STRN: variants seen among roughly 807,000 people sequenced by gnomAD.
STRN encodes protein phosphatase 2 regulatory subunit B'''alpha.
STRN carries 53 observed loss-of-function variants against 96.3 expected under a neutral mutation model. The observed-to-expected ratio is 0.55, with a 90% CI of 0.44 to 0.69. STRN has a LOEUF of 0.69. Among genes scored for constraint, STRN ranks in the 30% least tolerant of loss-of-function variants. The probability of loss-of-function intolerance (pLI) is 0.00; values close to 1 mark genes in which losing one functional copy is unlikely to be tolerated. For synonymous variants in STRN, 428 were observed against 355.9 expected (o/e 1.20, Z -2.28); for missense variants, 987 against 963.9 (o/e 1.02, Z -0.32).
At position 36,855,286 on chromosome 2, in the gene STRN, C is replaced by T. The variant is rs537486642; in HGVS notation, c.1904G>A (p.Ser635Asn). 6.2e-7 allele frequency: 1 copy of T among 1,613,904 alleles called. No individual in the cohort carries two copies. Among genetic ancestry groups the T allele is most frequent in the African/African-American group, 1.3e-5 (1 of 75,026 alleles). ...GTTAAAAATGCTTGTATATCCCTTG[C>T]TGAATGATGCTACCATATGGCTCGG... ...SDPSHMVASF[S>N]KGYTSIFNME... Residue 635 changes from serine to asparagine, a missense_variant, in exon 15 of 18, where the codon AGC (serine) becomes AAC (asparagine). Coordinates refer to ENST00000263918, the MANE Select transcript of STRN (RefSeq NM_003162.4).
At chr2:36,856,300 A>C (rs1489592584) in intron 14 of STRN, among the ~76,000 whole-genome samples, 1 of 152,216 alleles carries the variant, frequency 6.6e-6, no homozygotes, top group South Asian at 2.1e-4. Context: ...TCCACCTGAA[A>C]GCCCAGCAAT....
rs1158709835 is a variant in STRN at position 36,957,742 on chromosome 2, G to GT, written c.234+8487dup. Among the ~76,000 whole-genome samples the GT allele has an allele frequency of 6.9e-3, 711 of 103,084 alleles. 78 individuals carry two copies. Among genetic ancestry groups the GT allele is most frequent in the African/African-American group, 0.022 (627 of 28,160 alleles). The allele number at this position is 103,084 out of a possible 152,430, so 67.6% of individuals were successfully genotyped here. A position where few individuals can be genotyped will look rare whatever the true frequency, so the allele number is the denominator to read the frequency against. ...GATTAGTCTCATAGTTCTTCTTTTTGTCTTTTTTTTTTTTTTTTTTTTTTT... is the reference window on the plus strand; with the variant it reads ...GATTAGTCTCATAGTTCTTCTTTTTGTTCTTTTTTTTTTTTTTTTTTTTTTT... On this transcript the variant is annotated intron_variant, in intron 1 of 17. Coordinates refer to ENST00000263918, the MANE Select transcript of STRN (RefSeq NM_003162.4).
rs996962215 is a variant in STRN at position 36,846,796 on chromosome 2, G to A, written c.*2660C>T. ...TTTGAGTAGCAAATGAGCTCCATAT[G>A]ACAGTTGAGTTTTGAGAAGGGTGCT... On this transcript the variant is annotated 3_prime_UTR_variant, in exon 18 of 18. Transcript: ENST00000263918. The A allele has an allele frequency of 6.6e-6, 1 of 152,004 alleles. No individual in the cohort carries two copies. Among genetic ancestry groups the A allele is most frequent in the Non-Finnish European group, 1.5e-5 (1 of 68,000 alleles). 9.4% of individuals were successfully genotyped at this position (152,004 alleles called of 1,614,324 possible).
chr2:36,874,625 T>A (rs769296842), intron 10 of STRN, among the ~76,000 whole-genome samples: 2 of 139,810 alleles, frequency 1.4e-5, no homozygotes, highest in Non-Finnish European at 3.1e-5. Flanking sequence ...GTGAAAAAAA[T>A]CAGACTACCA....
chr2:36,894,841 C>T (rs1371503007), intron 6 of STRN, among the ~76,000 whole-genome samples: 1 of 152,106 alleles, frequency 6.6e-6, no homozygotes, highest in Admixed American at 6.6e-5. Flanking sequence ...ATGACAAACA[C>T]GTGACTTGTA....
intron 1 of STRN, among the ~76,000 whole-genome samples, chr2:36,936,086 A>T (rs1481273814): frequency 6.6e-6 from 1 of 151,424 alleles, no homozygotes; most frequent in Non-Finnish European, 1.5e-5. Context: ...CAATTTCTCT[A>T]AAAAAAAACT....
intron 1 of STRN, among the ~76,000 whole-genome samples, chr2:36,931,569 C>A (rs1670574927): frequency 6.6e-6 from 1 of 152,182 alleles, no homozygotes; most frequent in Admixed American, 6.5e-5. Flanking sequence ...TACTTTGTGC[C>A]TGGCAGTTAT....
chr2:36,922,036 G>C (rs897058742), intron 2 of STRN, among the ~76,000 whole-genome samples: 18 of 152,100 alleles, frequency 1.2e-4, no homozygotes, highest in African/African-American at 4.3e-4. Flanking sequence ...ATAAGGAAAT[G>C]TCCTTGCTCT....
At chr2:36,875,472 T>A (rs955462650) in intron 10 of STRN, among the ~76,000 whole-genome samples, 1 of 127,332 alleles carries the variant, frequency 7.9e-6, no homozygotes, top group Non-Finnish European at 1.6e-5. Flanking sequence ...CACTACTGCA[T>A]TCCATCCTGG....
intron 6 of STRN, among the ~76,000 whole-genome samples, chr2:36,897,509 C>T (rs1415380737): frequency 2.0e-5 from 3 of 151,858 alleles, no homozygotes; most frequent in African/African-American, 7.2e-5. Flanking sequence ...AATCTCAGCT[C>T]ACTGCAAGCT....
intron 7 of STRN, among the ~76,000 whole-genome samples, chr2:36,890,535 G>C (rs890811059): frequency 2.8e-5 from 4 of 144,378 alleles, no homozygotes; most frequent in Non-Finnish European, 6.0e-5. Context: ...CCAGGCTGGA[G>C]TGCAATGGCG....
At chr2:36,953,813 C>T (rs983203802) in intron 1 of STRN, among the ~76,000 whole-genome samples, 1 of 152,142 alleles carries the variant, frequency 6.6e-6, no homozygotes, top group Non-Finnish European at 1.5e-5. Flanking sequence ...TCTGTTCTAA[C>T]ATAGCATATG....
rs1668016282 is a variant in STRN at position 36,844,393 on chromosome 2, G to C, written c.*5063C>G. ...CCATTCTCTGAGACATTTTCAGAGA[G>C]GAGCTAACTAACACCCACCCAGGGG... On this transcript the variant is annotated 3_prime_UTR_variant, in exon 18 of 18. Coordinates refer to ENST00000263918, the MANE Select transcript of STRN (RefSeq NM_003162.4). 6.6e-6 allele frequency: 1 copy of C among 152,270 alleles called. No individual in the cohort carries two copies. The allele number at this position is 152,270 out of a possible 1,614,324, so 9.4% of individuals were successfully genotyped here. A position where few individuals can be genotyped will look rare whatever the true frequency, so the allele number is the denominator to read the frequency against.
rs147223629 is a variant in STRN at position 36,908,964 on chromosome 2, G to A, written c.413-3346C>T. Reference sequence around the variant, plus strand: ...TCACTACACTCCAGCCTGGGCGACAGAGCAAGCCTCTATCCCCACCCCCAA... The same window carrying A: ...TCACTACACTCCAGCCTGGGCGACAAAGCAAGCCTCTATCCCCACCCCCAA... On this transcript the variant is annotated intron_variant, in intron 3 of 17. Transcript: ENST00000263918. Among the ~76,000 whole-genome samples, 548 of 150,050 alleles carry A rather than the reference G, an allele frequency of 3.7e-3. 2 individuals carry two copies. The highest frequency in any genetic ancestry group is 0.013 in the African/African-American group (529 of 40,406).
intron 3 of STRN, among the ~76,000 whole-genome samples, chr2:36,908,657 A>G (rs1433020622): frequency 6.6e-6 from 1 of 152,164 alleles, no homozygotes; most frequent in Non-Finnish European, 1.5e-5. Flanking sequence ...ACACTGAGAT[A>G]AAATCTGACC....
chr2:36,902,472 G>A, intron 5 of STRN, 112 bp downstream of exon 5: 1 of 279,782 alleles, frequency 3.6e-6, no homozygotes, highest in South Asian at 1.3e-4. Flanking sequence ...TTTTTATTAA[G>A]TTATAAATTA....
At chr2:36,939,262 G>A (rs78081152) in intron 1 of STRN, among the ~76,000 whole-genome samples, 5,787 of 151,904 alleles carry the variant, frequency 0.038, 136 homozygotes, top group African/African-American at 0.072. Flanking sequence ...TATTGCGTGG[G>A]ATACACTGTA....
rs926779962 is a variant in STRN at position 36,849,180 on chromosome 2, C to T, written c.*276G>A. On this transcript the variant is annotated 3_prime_UTR_variant, in exon 18 of 18. Coordinates refer to ENST00000263918, the MANE Select transcript of STRN (RefSeq NM_003162.4). ...CTTGTATTCGCTCAGGCCTGCCTAGCGAATTAGAACCACCTCAGAAATAAA... is the reference window on the plus strand; with the variant it reads ...CTTGTATTCGCTCAGGCCTGCCTAGTGAATTAGAACCACCTCAGAAATAAA... 1.3e-4 allele frequency: 50 copies of T among 378,056 alleles called. No individual in the cohort carries two copies. The highest frequency in any genetic ancestry group is 8.1e-4 in the African/African-American group (40 of 49,238). 23.4% of individuals were successfully genotyped at this position (378,056 alleles called of 1,614,324 possible).
At chr2:36,929,393 T>C (rs1670510199) in intron 1 of STRN, among the ~76,000 whole-genome samples, 1 of 152,080 alleles carries the variant, frequency 6.6e-6, no homozygotes, top group Non-Finnish European at 1.5e-5. Context: ...ACCCCTTTTT[T>C]TTTCTTTTGA....
Sources: gnomAD v4.1 joint callset for allele counts (sites outside exome capture counted in the v4.1 genomes callset) on GRCh38, gnomAD v4.1.1 for gene constraint, MANE v1.5 for transcripts, NCBI Gene and HGNC (gene_info 2026-07-23, HGNC 2026-07-21) for gene names.